MAD1L1: variants seen among roughly 807,000 people sequenced by gnomAD.
The protein encoded by MAD1L1 is mitotic arrest deficient 1 like 1.
A neutral mutation model predicts 96.9 loss-of-function variants in MAD1L1; 95 were observed. The ratio of observed to expected loss-of-function variants is 0.98; its 90% CI spans 0.83 to 1.16. MAD1L1 has a LOEUF of 1.16. Ranked by LOEUF, MAD1L1 falls within the 50% of genes most tolerant of loss-of-function variation. The pLI is 0.00. For synonymous variants in MAD1L1, 473 were observed against 396.6 expected (o/e 1.19, Z -2.29); for missense variants, 1,007 against 954.4 (o/e 1.06, Z -0.73).
intron 12 of MAD1L1, among the ~76,000 whole-genome samples, chr7:2,018,634 T>C (rs1474551765): frequency 6.6e-6 from 1 of 152,170 alleles, no homozygotes; most frequent in African/African-American, 2.4e-5. Context: ...CAGCTCCATA[T>C]GCAGAGGCCC....
intron 11 of MAD1L1, among the ~76,000 whole-genome samples, chr7:2,100,080 A>G (rs1469707866): frequency 2.0e-5 from 3 of 152,104 alleles, no homozygotes; most frequent in Admixed American, 2.0e-4. Context: ...TTTAATAACT[A>G]CCTGTTGATG....
intron 13 of MAD1L1, 111 bp downstream of exon 13, chr7:2,014,391 G>A: frequency 7.3e-7 from 1 of 1,370,206 alleles, no homozygotes; most frequent in Non-Finnish European, 9.7e-7. Flanking sequence ...TGCCAGCCGG[G>A]AACTGGGGAG....
intron 10 of MAD1L1, among the ~76,000 whole-genome samples, chr7:2,205,962 G>A (rs1322923826): frequency 6.6e-6 from 1 of 152,038 alleles, no homozygotes; most frequent in East Asian, 1.9e-4. Context: ...GGTGAAACCT[G>A]TCTCTATTAA....
chr7:1,857,111 G>A (rs998875273), intron 18 of MAD1L1, among the ~76,000 whole-genome samples: 3 of 152,146 alleles, frequency 2.0e-5, no homozygotes, highest in African/African-American at 7.2e-5. Context: ...CTCGGTGCCC[G>A]AGGCTCTGGG....
chr7:2,184,198 G>C (rs1448072106), intron 10 of MAD1L1, among the ~76,000 whole-genome samples: 2 of 152,042 alleles, frequency 1.3e-5, no homozygotes, highest in Non-Finnish European at 1.5e-5. Context: ...CTTGCAGTGA[G>C]TGGAGATCGC....
chr7:2,084,412 T>C (rs936880954), intron 11 of MAD1L1, among the ~76,000 whole-genome samples: 2 of 152,074 alleles, frequency 1.3e-5, no homozygotes, highest in Non-Finnish European at 2.9e-5. Context: ...AGCATGCGAG[T>C]GGCGCTGCCC....
intron 10 of MAD1L1, among the ~76,000 whole-genome samples, chr7:2,195,156 C>G (rs1228921957): frequency 6.6e-6 from 1 of 151,984 alleles, no homozygotes; most frequent in Non-Finnish European, 1.5e-5. Context: ...TTAGCAGTGA[C>G]CCCTACTGGG....
Position 2,048,818 on chromosome 7 carries a change from G to A in MAD1L1, c.1218+20376C>T, listed in dbSNP as rs940381923. Among the ~76,000 whole-genome samples the A allele has an allele frequency of 4.6e-5, 7 of 152,296 alleles. No individual in the cohort carries two copies. In the South Asian group the frequency reaches 1.5e-3, roughly 32 times the overall value. On this transcript the variant is annotated intron_variant, in intron 12 of 18. Transcript: ENST00000265854. ...CTCCCCACTCCACAGTGACTCACAAGCCACCACTCCCACTTCCCCAAGCCA... is the reference window on the plus strand; with the variant it reads ...CTCCCCACTCCACAGTGACTCACAAACCACCACTCCCACTTCCCCAAGCCA...
intron 18 of MAD1L1, among the ~76,000 whole-genome samples, chr7:1,873,247 G>C (rs1785201711): frequency 6.6e-6 from 1 of 152,228 alleles, no homozygotes; most frequent in Non-Finnish European, 1.5e-5. Flanking sequence ...TCCCCGGCTG[G>C]GGAGTCCCCT....
At chr7:1,965,869 T>C (rs1486112737) in intron 15 of MAD1L1, among the ~76,000 whole-genome samples, 3 of 152,258 alleles carry the variant, frequency 2.0e-5, no homozygotes, top group African/African-American at 7.2e-5. Flanking sequence ...CCCACGTCCC[T>C]GGAGGACCAC....
chr7:2,138,970 AAGG>A (rs1347956372), intron 11 of MAD1L1, among the ~76,000 whole-genome samples: 4 of 152,160 alleles, frequency 2.6e-5, no homozygotes, highest in Non-Finnish European at 5.9e-5. Context: ...CAGGACAGGC[AAGG>A]AGAACACCTC....
In MAD1L1 at chr7:1,932,268, C is replaced by G. The variant is rs927428752; in HGVS notation, c.1807+4419G>C. On this transcript the variant is annotated intron_variant, in intron 17 of 18. Transcript: ENST00000265854. ...TATATCCCAGAACCTCTGGCCTGTT[C>G]TGGCCCCTGCCGGCTGCTCCCCAGG... Among the ~76,000 whole-genome samples, 10 of 152,376 alleles carry G rather than the reference C, an allele frequency of 6.6e-5. No individual in the cohort carries two copies. In the East Asian group the frequency reaches 1.9e-3, roughly 29 times the overall value.
At chr7:2,216,121 C>G in intron 8 of MAD1L1, 36 bp downstream of exon 8, 1 of 1,608,638 alleles carries the variant, frequency 6.2e-7, no homozygotes, top group South Asian at 1.1e-5. Context: ...CCCAGACTCA[C>G]TCGAGGCGGC....
intron 18 of MAD1L1, among the ~76,000 whole-genome samples, chr7:1,882,055 G>C (rs555139171): frequency 2.6e-5 from 4 of 152,118 alleles, no homozygotes; most frequent in African/African-American, 9.7e-5. Flanking sequence ...CCGCCTGCTT[G>C]AACCTGGCGG....
At chr7:1,981,815 T>C (rs1030363741) in intron 14 of MAD1L1, among the ~76,000 whole-genome samples, 19 of 152,188 alleles carry the variant, frequency 1.2e-4, no homozygotes, top group African/African-American at 4.1e-4. Context: ...GGGTGCACAG[T>C]GTGCAACAGG....
chr7:2,048,470 A>T (rs988770007), intron 12 of MAD1L1, among the ~76,000 whole-genome samples: 1 of 152,234 alleles, frequency 6.6e-6, no homozygotes, highest in Non-Finnish European at 1.5e-5. Flanking sequence ...GCCAGCAGTG[A>T]CCGCTATACA....
At chr7:1,830,547 T>G (rs1477906400) in intron 18 of MAD1L1, among the ~76,000 whole-genome samples, 1 of 152,264 alleles carries the variant, frequency 6.6e-6, no homozygotes, top group African/African-American at 2.4e-5. Context: ...CAAAGATAGC[T>G]GACTAAACAG....
intron 11 of MAD1L1, among the ~76,000 whole-genome samples, chr7:2,104,657 A>ATACT (rs1786994482): frequency 7.6e-6 from 1 of 131,400 alleles, no homozygotes; most frequent in Non-Finnish European, 1.8e-5. Flanking sequence ...TAACTGTTTT[A>ATACT]TACTTACATG....
intron 15 of MAD1L1, among the ~76,000 whole-genome samples, chr7:1,974,958 G>A (rs1443960972): frequency 6.6e-6 from 1 of 152,204 alleles, no homozygotes; most frequent in Non-Finnish European, 1.5e-5. Flanking sequence ...CTGCAGGCCG[G>A]ACCTGGGGAG....
Sources: gnomAD v4.1 joint callset for allele counts (sites outside exome capture counted in the v4.1 genomes callset) on GRCh38, gnomAD v4.1.1 for gene constraint, MANE v1.5 for transcripts, NCBI Gene and HGNC (gene_info 2026-07-23, HGNC 2026-07-21) for gene names.